The following C2orf49 variants were observed in gnomAD, a reference collection of about 807,000 sequenced individuals.
C2orf49 encodes the protein tRNA splicing ligase complex subunit 2.
A neutral mutation model predicts 20.6 loss-of-function variants in C2orf49; 11 were observed. That is an observed-to-expected ratio of 0.53 (90% CI 0.34 to 0.88). The LOEUF (loss-of-function observed/expected upper bound fraction) is 0.88, where lower values mean the gene tolerates loss of function less well. Ranked by LOEUF, C2orf49 falls within the 40% of genes least tolerant of loss-of-function variation. The pLI is 0.02. For synonymous variants in C2orf49, 134 were observed against 108.5 expected (o/e 1.24, Z -1.46); for missense variants, 289 against 274.2 (o/e 1.05, Z -0.38).
At chr2:105,338,974 A>G (rs962503610) in intron 1 of C2orf49, among the ~76,000 whole-genome samples, 3 of 152,276 alleles carry the variant, frequency 2.0e-5, no homozygotes, top group East Asian at 1.9e-4. Context: ...TGGTTGGACA[A>G]TGACTGGAAG....
chr2:105,378,675 C>T, the C2orf49 span: 1 of 155,730 alleles, frequency 6.4e-6, no homozygotes, highest in African/African-American at 2.4e-5. Context: ...TTCTCTCAGC[C>T]TACCTTTATG....
intron 1 of C2orf49, among the ~76,000 whole-genome samples, chr2:105,338,156 A>G (rs919676955): frequency 2.0e-5 from 3 of 152,186 alleles, no homozygotes; most frequent in African/African-American, 7.2e-5. Context: ...TGTAAATGGT[A>G]CTTCCGGGAG....
At chr2:105,381,018 G>A in the C2orf49 span, among the ~76,000 whole-genome samples, 1 of 152,064 alleles carries the variant, frequency 6.6e-6, no homozygotes, top group African/African-American at 2.4e-5. Context: ...AGTGGCAAGT[G>A]GCCTGGAGGG....
chr2:105,344,349 G>A (rs1679753028), intron 3 of C2orf49, among the ~76,000 whole-genome samples: 1 of 151,950 alleles, frequency 6.6e-6, no homozygotes, highest in African/African-American at 2.4e-5. Flanking sequence ...CTCAAATATT[G>A]CCATAAGGAG....
chr2:105,350,681 C>G (rs954408509), downstream of C2orf49, among the ~76,000 whole-genome samples: 8 of 152,126 alleles, frequency 5.3e-5, no homozygotes, highest in African/African-American at 1.9e-4. Context: ...AAATATAAAA[C>G]CATCCTATCT....
chr2:105,373,690 T>C, the C2orf49 span: 1 of 1,614,130 alleles, frequency 6.2e-7, no homozygotes. Flanking sequence ...CTGCGAGCAG[T>C]GGAAACAGGC....
chr2:105,341,788 G>A (rs567882096), intron 2 of C2orf49, among the ~76,000 whole-genome samples: 1 of 152,214 alleles, frequency 6.6e-6, no homozygotes, highest in Admixed American at 6.5e-5. Flanking sequence ...CTGTGCTGGT[G>A]CTGCTGGTCC....
the C2orf49 span, chr2:105,367,451 A>T: frequency 9.8e-7 from 1 of 1,019,468 alleles, no homozygotes; most frequent in Non-Finnish European, 1.5e-6. Context: ...GGACAGGCAC[A>T]GCTCCCACGC....
At chr2:105,339,824 A>G (rs1219090754) in intron 2 of C2orf49, 75 bp downstream of exon 2, 2 of 1,311,772 alleles carry the variant, frequency 1.5e-6, no homozygotes, top group South Asian at 1.7e-5. Flanking sequence ...ATTTTTCCTG[A>G]GATAAACTTA....
chr2:105,382,159 GT>G, the C2orf49 span, among the ~76,000 whole-genome samples: 2 of 152,178 alleles, frequency 1.3e-5, no homozygotes, highest in Admixed American at 1.3e-4. Flanking sequence ...TCACTTCAAT[GT>G]TTCCTATTAG....
At chr2:105,381,217 G>A in the C2orf49 span, among the ~76,000 whole-genome samples, 1 of 152,262 alleles carries the variant, frequency 6.6e-6, no homozygotes, top group East Asian at 1.9e-4. Context: ...GTTATGAAAA[G>A]ATATTTTCTG....
chr2:105,372,346 C>T, the C2orf49 span, among the ~76,000 whole-genome samples: 1 of 152,014 alleles, frequency 6.6e-6, no homozygotes, highest in African/African-American at 2.4e-5. Context: ...CTGCCTCAGC[C>T]TCCCGAGTAG....
At chr2:105,337,773 A>C in intron 1 of C2orf49, 87 bp downstream of exon 1, 1 of 1,208,572 alleles carries the variant, frequency 8.3e-7, no homozygotes, top group Non-Finnish European at 1.2e-6. Context: ...AGCCCTCGGC[A>C]ACCACGGACA....
At chr2:105,352,429 G>GTTTTTTTTTTTTTTTTTTTTTGT (rs61585149), downstream of C2orf49, among the ~76,000 whole-genome samples, 38 of 80,766 alleles carry the variant, frequency 4.7e-4, no homozygotes, top group South Asian at 1.2e-3. Flanking sequence ...GTTTGTTTGG[G>GTTTTTTTTTTTTTTTTTTTTTGT]TTTTTTTTTT....
the C2orf49 span, among the ~76,000 whole-genome samples, chr2:105,356,327 G>T: frequency 1.3e-5 from 2 of 152,156 alleles, no homozygotes; most frequent in African/African-American, 2.4e-5. Flanking sequence ...GGAGGCGGAG[G>T]TTACAGTGAG....
chr2:105,346,787 A>C lies in C2orf49; in HGVS notation c.*1416A>C, dbSNP rs1312263156. ...CTGTTCTACACAGAATTACCTGCTA[A>C]GATTTTTTGTTTATTTTTGTTTGAG... is the stretch of plus-strand genomic sequence containing the variant. On this transcript the variant is annotated 3_prime_UTR_variant, in exon 4 of 4. Transcript: ENST00000258457. The C allele has an allele frequency of 1.3e-5, 2 of 152,192 alleles. No individual in the cohort carries two copies. The highest frequency in any genetic ancestry group is 4.8e-5 in the African/African-American group (2 of 41,448). 9.4% of individuals were successfully genotyped at this position (152,192 alleles called of 1,614,324 possible).
At chr2:105,385,008 C>A in the C2orf49 span, among the ~76,000 whole-genome samples, 2 of 152,210 alleles carry the variant, frequency 1.3e-5, no homozygotes, top group African/African-American at 2.4e-5. Flanking sequence ...GCAGGCAAGA[C>A]AGGATACAGG....
the C2orf49 span, chr2:105,377,874 T>C: frequency 2.7e-6 from 1 of 365,392 alleles, no homozygotes; most frequent in Admixed American, 3.8e-5. Context: ...AGATAGTTGC[T>C]TTTTACATGG....
chr2:105,352,194 T>A (rs939541581), downstream of C2orf49, among the ~76,000 whole-genome samples: 19 of 152,186 alleles, frequency 1.2e-4, no homozygotes. Flanking sequence ...TCTTACAGAC[T>A]CCACTCATTT....
Sources: allele counts gnomAD v4.1 joint callset (sites outside exome capture counted in the v4.1 genomes callset), GRCh38; gene constraint gnomAD v4.1.1; transcripts MANE v1.5; gene names NCBI Gene and HGNC (gene_info 2026-07-23, HGNC 2026-07-21).